The following MAP3K20 variants were observed in gnomAD, a reference collection of about 807,000 sequenced individuals.
The protein encoded by MAP3K20 is HCCS-4.
MAP3K20 carries 40 observed loss-of-function variants against 85.7 expected under a neutral mutation model. The observed-to-expected ratio is 0.47, with a 90% CI of 0.36 to 0.61. The LOEUF (loss-of-function observed/expected upper bound fraction) is 0.61, where lower values mean the gene tolerates loss of function less well. Ranked by LOEUF, MAP3K20 falls within the 20% of genes least tolerant of loss-of-function variation. The pLI, the probability that MAP3K20 is intolerant of heterozygous loss-of-function variation, is 0.00. For missense variants in MAP3K20, 817 were observed against 961.7 expected, an observed-to-expected ratio of 0.85 and a Z score of 1.99; for synonymous variants, 325 against 327.7, an observed-to-expected ratio of 0.99 and a Z score of 0.09.
chr2:173,227,792 T>C (rs1358138413), intron 11 of MAP3K20, among the ~76,000 whole-genome samples: 1 of 152,228 alleles, frequency 6.6e-6, no homozygotes, highest in Non-Finnish European at 1.5e-5. Flanking sequence ...CCAGTTTCTA[T>C]AAAGGTGAGC....
chr2:173,163,590 CT>C (rs1178084323), intron 2 of MAP3K20, among the ~76,000 whole-genome samples: 1 of 152,092 alleles, frequency 6.6e-6, no homozygotes, highest in Non-Finnish European at 1.5e-5. Flanking sequence ...TGATCTTGTT[CT>C]TTTTTATGGC....
rs1251273503 is a variant in MAP3K20 at position 173,226,106 on chromosome 2, T to G, written c.988-3583T>G. On this transcript the variant is annotated intron_variant, in intron 11 of 19. Coordinates refer to ENST00000375213, the MANE Select transcript of MAP3K20 (RefSeq NM_016653.3). ...GAGGGTGGGTTTTTAACCAGTGATTTTTAACGTGCAGTGAATTTGTTAGAC... is the reference window on the plus strand; with the variant it reads ...GAGGGTGGGTTTTTAACCAGTGATTGTTAACGTGCAGTGAATTTGTTAGAC... 3.0e-6 allele frequency: 3 copies of G among 984,820 alleles called. No individual in the cohort carries two copies. The African/African-American group carries it at 5.3e-5, about 17-fold the overall frequency. The allele number at this position is 984,820 out of a possible 1,614,324, so 61.0% of individuals were successfully genotyped here.
chr2:173,130,212 T>TA (rs1255324676), intron 2 of MAP3K20, among the ~76,000 whole-genome samples: 1 of 152,156 alleles, frequency 6.6e-6, no homozygotes, highest in African/African-American at 2.4e-5. Context: ...TTTTCAACAG[T>TA]AAAAAACTGG....
intron 11 of MAP3K20, chr2:173,221,727 C>T (rs1684256993): frequency 1.5e-6 from 2 of 1,292,468 alleles, no homozygotes; most frequent in South Asian, 2.7e-5. Flanking sequence ...GAGAATTAAG[C>T]CAAAGAAGTA....
intron 14 of MAP3K20, among the ~76,000 whole-genome samples, chr2:173,237,270 G>T (rs1422150675): frequency 6.6e-6 from 1 of 151,808 alleles, no homozygotes; most frequent in Non-Finnish European, 1.5e-5. Flanking sequence ...CTCATGATCC[G>T]CCCACCTCAG....
At chr2:173,131,735 G>A (rs1386943860) in intron 2 of MAP3K20, among the ~76,000 whole-genome samples, 1 of 152,112 alleles carries the variant, frequency 6.6e-6, no homozygotes, top group African/African-American at 2.4e-5. Context: ...GTTCTCTAAG[G>A]GTCTGCTCAG....
At position 173,187,610 on chromosome 2, in the gene MAP3K20, C is replaced by G; in HGVS notation, c.402C>G (p.Leu134=). Residue 134 remains leucine (L), a synonymous_variant, in exon 5 of 20, where the codon CTC becomes CTG. Coordinates refer to ENST00000375213, the MANE Select transcript of MAP3K20 (RefSeq NM_016653.3). ...CTGTCAAGGTGATTCACAGAGACCTCAAGTCAAGAAACGGTAATGTAGTTA... is the reference window on the plus strand; with the variant it reads ...CTGTCAAGGTGATTCACAGAGACCTGAAGTCAAGAAACGGTAATGTAGTTA... The part of the protein sequence containing the change: ...EAPVKVIHRD[L]KSRNVVIAAD... 1 of 1,608,526 alleles carries G rather than the reference C, an allele frequency of 6.2e-7. No individual in the cohort carries two copies. Among genetic ancestry groups the G allele is most frequent in the South Asian group, 1.1e-5 (1 of 89,616 alleles).
rs566492742 is a variant in MAP3K20, at chr2:173,142,292, A to G, written c.160-27513A>G. ...TCGAGACCATCCTGGCTAACATGGT[A>G]AAACCCTGACTCTACTAAAAATACC... On this transcript the variant is annotated intron_variant, in intron 2 of 19. Transcript: ENST00000375213. Among the ~76,000 whole-genome samples the G allele has an allele frequency of 1.1e-3, 166 of 152,096 alleles. 2 individuals carry two copies. Among genetic ancestry groups the G allele is most frequent in the Middle Eastern group, 0.01 (3 of 294 alleles).
chr2:173,101,411 C>A (rs1687635414), intron 2 of MAP3K20, among the ~76,000 whole-genome samples: 1 of 152,084 alleles, frequency 6.6e-6, no homozygotes, highest in Non-Finnish European at 1.5e-5. Context: ...GTTATTTCAC[C>A]TTTTCATTAA....
At chr2:173,160,599 A>G (rs1029832039) in intron 2 of MAP3K20, among the ~76,000 whole-genome samples, 1 of 152,186 alleles carries the variant, frequency 6.6e-6, no homozygotes, top group Non-Finnish European at 1.5e-5. Context: ...TCAGAGCCTG[A>G]AACAATTAGC....
intron 11 of MAP3K20, chr2:173,222,631 T>C (rs1684282785): frequency 8.1e-6 from 8 of 985,312 alleles, no homozygotes; most frequent in Non-Finnish European, 9.6e-6. Flanking sequence ...ATTCTAAGCA[T>C]ATGCTCAGCT....
chr2:173,117,571 C>T (rs997084363), intron 2 of MAP3K20, among the ~76,000 whole-genome samples: 1 of 152,146 alleles, frequency 6.6e-6, no homozygotes, highest in South Asian at 2.1e-4. Context: ...CAAGCCACCA[C>T]GCCTGGCCTA....
At chr2:173,232,512 G>C in intron 14 of MAP3K20, 53 bp downstream of exon 14, 1 of 1,594,854 alleles carries the variant, frequency 6.3e-7, no homozygotes, top group Non-Finnish European at 8.5e-7. Flanking sequence ...TTGTTTGTTT[G>C]GTTTTTTTTG....
At chr2:173,218,697 C>T (rs1684147506) in intron 11 of MAP3K20, among the ~76,000 whole-genome samples, 1 of 152,200 alleles carries the variant, frequency 6.6e-6, no homozygotes, top group Non-Finnish European at 1.5e-5. Context: ...CATTGCATGG[C>T]TTGACTCTTT....
At chr2:173,092,929 T>C (rs1317579950) in intron 2 of MAP3K20, among the ~76,000 whole-genome samples, 1 of 151,990 alleles carries the variant, frequency 6.6e-6, no homozygotes. Flanking sequence ...AACATGAATG[T>C]AGGTAATTCA....
At chr2:173,187,724 T>A in intron 5 of MAP3K20, 101 bp downstream of exon 5, 2 of 1,025,132 alleles carry the variant, frequency 2.0e-6, no homozygotes, top group Non-Finnish European at 2.8e-6. Context: ...TGTAACCTAC[T>A]ATTGGACTCA....
rs1162728873 is a variant in MAP3K20 at position 173,134,393 on chromosome 2, CATATATATATATAT to C, written c.160-35389_160-35376del. On this transcript the variant is annotated intron_variant, in intron 2 of 19. Transcript: ENST00000375213. Reference sequence around the variant, plus strand: ...GTGTGTGTGTGTGTGTGTCTCTATACATATATATATATATATATATATATATATATATATATTTT... The same window carrying C: ...GTGTGTGTGTGTGTGTGTCTCTATACATATATATATATATATATATATTTT... 3.6e-3 allele frequency among the ~76,000 whole-genome samples: 44 copies of C among 12,328 alleles called. 1 individual carries two copies. The highest frequency in any genetic ancestry group is 5.0e-3 in the Admixed American group (3 of 606). The allele number at this position is 12,328 out of a possible 152,430, so 8.1% of individuals were successfully genotyped here.
At chr2:173,219,448 G>A (rs980978334) in intron 11 of MAP3K20, among the ~76,000 whole-genome samples, 3 of 151,956 alleles carry the variant, frequency 2.0e-5, no homozygotes, top group Non-Finnish European at 4.4e-5. Flanking sequence ...AAGAATATAG[G>A]CTTATCTGAG....
chr2:173,237,019 CTT>C (rs368196400), intron 14 of MAP3K20, among the ~76,000 whole-genome samples: 7 of 75,582 alleles, frequency 9.3e-5, no homozygotes, highest in Admixed American at 5.6e-4. Context: ...GTATATCCAC[CTT>C]TTTTTTTTTT....
Sources: allele counts gnomAD v4.1 joint callset (sites outside exome capture counted in the v4.1 genomes callset), GRCh38; gene constraint gnomAD v4.1.1; transcripts MANE v1.5; gene names NCBI Gene and HGNC (gene_info 2026-07-23, HGNC 2026-07-21).